NDUFAF6: variants seen among roughly 807,000 people sequenced by gnomAD.
The protein encoded by NDUFAF6 is NADH dehydrogenase (ubiquinone) complex I, assembly factor 6.
In NDUFAF6, 45 loss-of-function variants were observed where a neutral mutation model predicts 40.8. The observed-to-expected ratio is 1.10, with a 90% CI of 0.87 to 1.42. The LOEUF is 1.42. NDUFAF6 is among the 40% of genes most tolerant of loss of function. NDUFAF6 has a pLI of 0.00. For missense variants in NDUFAF6, 435 were observed against 418.5 expected (o/e 1.04, Z -0.34); for synonymous variants, 185 against 155.9 (o/e 1.19, Z -1.39).
intron 9 of NDUFAF6, among the ~76,000 whole-genome samples, chr8:95,071,287 A>G (rs2132033474): frequency 6.6e-6 from 1 of 150,640 alleles, no homozygotes; most frequent in South Asian, 2.1e-4. Context: ...AGTCCCAGCT[A>G]CTCGGGAGGC....
rs569037969 is a variant in NDUFAF6 at position 95,046,207 on chromosome 8, C to A, written c.580+560C>A. 2.0e-5 allele frequency among the ~76,000 whole-genome samples: 3 copies of A among 152,140 alleles called. No homozygotes were observed. In the South Asian group the frequency reaches 6.2e-4, roughly 32 times the overall value. On this transcript the variant is annotated intron_variant, in intron 5 of 8. Transcript: ENST00000396124. ...TCCTGAGTAGCTGGGACTACAGGGA[C>A]GTGCCACCACGCCCAGCTAAATTTT...
At chr8:94,932,305 C>A (rs1820488385) in intron 1 of NDUFAF6, among the ~76,000 whole-genome samples, 1 of 152,166 alleles carries the variant, frequency 6.6e-6, no homozygotes, top group African/African-American at 2.4e-5. Context: ...GAAATGTATA[C>A]CCTGAAGCCC....
chr8:94,935,908 A>G (rs946104759), intron 1 of NDUFAF6, among the ~76,000 whole-genome samples: 5 of 152,188 alleles, frequency 3.3e-5, no homozygotes, highest in African/African-American at 1.2e-4. Context: ...AGGCATGTAA[A>G]TCTGCCCTTC....
At position 95,086,748 on chromosome 8, in the gene NDUFAF6, C is replaced by G. The variant is rs779845415; in HGVS notation, n.213+10996C>G. Reference sequence around the variant, plus strand: ...TCCCGAGTAGCTGGGACCACAGGCGCCCCCCACCACGCCCGGCTAATTTTT... The same window carrying G: ...TCCCGAGTAGCTGGGACCACAGGCGGCCCCCACCACGCCCGGCTAATTTTT... On this transcript the variant is annotated intron_variant and non_coding_transcript_variant, in intron 2 of 5. Coordinates refer to the NDUFAF6 transcript ENST00000523184. Among the ~76,000 whole-genome samples the G allele has an allele frequency of 9.2e-4, 140 of 152,104 alleles. No individual in the cohort carries two copies. The Middle Eastern group carries it at 0.01, about 11-fold the overall frequency.
At chr8:95,057,208 A>G (rs1832286480) in intron 8 of NDUFAF6, among the ~76,000 whole-genome samples, 1 of 152,212 alleles carries the variant, frequency 6.6e-6, no homozygotes, top group Non-Finnish European at 1.5e-5. Flanking sequence ...TAAATTAATC[A>G]AGACAATTGA....
At chr8:95,053,181 C>T (rs1284190720) in intron 8 of NDUFAF6, among the ~76,000 whole-genome samples, 3 of 152,094 alleles carry the variant, frequency 2.0e-5, no homozygotes, top group Non-Finnish European at 4.4e-5. Flanking sequence ...CTTAATTGAG[C>T]TTTTGCTAAT....
At chr8:95,037,982 C>T (rs759986183) in intron 3 of NDUFAF6, among the ~76,000 whole-genome samples, 10 of 152,226 alleles carry the variant, frequency 6.6e-5, no homozygotes, top group Non-Finnish European at 1.2e-4. Flanking sequence ...CTCCTGGGCT[C>T]AGGCGATCCT....
chr8:94,936,318 T>C (rs1476733186), intron 1 of NDUFAF6, among the ~76,000 whole-genome samples: 1 of 152,100 alleles, frequency 6.6e-6, no homozygotes, highest in Non-Finnish European at 1.5e-5. Flanking sequence ...ATGTAGGGAA[T>C]GTAAGAAGGA....
At chr8:95,110,102 A>G (rs1809955815) in intron 4 of NDUFAF6, among the ~76,000 whole-genome samples, 1 of 152,234 alleles carries the variant, frequency 6.6e-6, no homozygotes, top group Non-Finnish European at 1.5e-5. Flanking sequence ...TAGTCCTATA[A>G]TAGCCAATGA....
intron 1 of NDUFAF6, among the ~76,000 whole-genome samples, chr8:94,917,027 CCTCT>C: frequency 6.7e-6 from 1 of 149,980 alleles, no homozygotes; most frequent in African/African-American, 2.5e-5. Flanking sequence ...AGCAGAGAAT[CCTCT>C]ACCCAGGAGG....
At chr8:95,110,357 T>A (rs1305764620) in intron 4 of NDUFAF6, among the ~76,000 whole-genome samples, 1 of 152,232 alleles carries the variant, frequency 6.6e-6, no homozygotes, top group East Asian at 1.9e-4. Context: ...CTGTAGGGTA[T>A]GGTTCATGGG....
intron 1 of NDUFAF6, among the ~76,000 whole-genome samples, chr8:94,971,425 C>G (rs758066894): frequency 2.0e-5 from 3 of 152,174 alleles, no homozygotes; most frequent in Non-Finnish European, 4.4e-5. Flanking sequence ...AGCCTCTGCT[C>G]AGAACCACCA....
intron 1 of NDUFAF6, among the ~76,000 whole-genome samples, chr8:94,962,075 G>A (rs990558454): frequency 4.6e-5 from 7 of 152,106 alleles, no homozygotes; most frequent in African/African-American, 1.2e-4. Flanking sequence ...ACATAGTTCC[G>A]GCCAATGAGA....
chr8:95,064,741 C>T (rs996474372), intron 9 of NDUFAF6, among the ~76,000 whole-genome samples: 3 of 152,070 alleles, frequency 2.0e-5, no homozygotes, highest in Non-Finnish European at 2.9e-5. Context: ...TCTAATCTTC[C>T]CTCACCTTTC....
At position 94,924,218 on chromosome 8, in the gene NDUFAF6, C is replaced by T. The variant is rs181888403; in HGVS notation, c.-935-21265C>T. ...TGGGATTAACAGGGGCACGCCACCA[C>T]GCCCGTCTAATTTTTGTATTTTTAG... On this transcript the variant is annotated intron_variant, in intron 1 of 14. Transcript: ENST00000396113. 1.6e-4 allele frequency among the ~76,000 whole-genome samples: 24 copies of T among 152,172 alleles called. No homozygotes were observed. In the East Asian group the frequency reaches 3.9e-3, roughly 25 times the overall value.
chr8:95,019,707 G>C (rs554144624), intron 2 of NDUFAF6, among the ~76,000 whole-genome samples: 1 of 152,306 alleles, frequency 6.6e-6, no homozygotes, highest in South Asian at 2.1e-4. Context: ...TTGTTTCTGA[G>C]AGAACAGTGT....
intron 2 of NDUFAF6, among the ~76,000 whole-genome samples, chr8:94,995,809 G>A (rs13279129): frequency 6.6e-6 from 1 of 152,018 alleles, no homozygotes. Flanking sequence ...ACGGAGTCTC[G>A]CTCTGTCGCC....
At chr8:94,937,172 T>C (rs1821059125) in intron 1 of NDUFAF6, among the ~76,000 whole-genome samples, 1 of 152,170 alleles carries the variant, frequency 6.6e-6, no homozygotes, top group Admixed American at 6.5e-5. Flanking sequence ...GGACACACTA[T>C]ACAGCCCATA....
chr8:94,968,119 C>T (rs1261076716), intron 1 of NDUFAF6, among the ~76,000 whole-genome samples: 1 of 152,102 alleles, frequency 6.6e-6, no homozygotes, highest in African/African-American at 2.4e-5. Flanking sequence ...CTGGGAGTTG[C>T]GGGTGGAAAG....
Sources: allele counts gnomAD v4.1 joint callset (sites outside exome capture counted in the v4.1 genomes callset), GRCh38; gene constraint gnomAD v4.1.1; transcripts MANE v1.5; gene names NCBI Gene and HGNC (gene_info 2026-07-23, HGNC 2026-07-21).